PRDM16: variants seen among roughly 807,000 people sequenced by gnomAD.
The protein encoded by PRDM16 is histone-lysine N-methyltransferase PRDM16.
PRDM16 carries 23 observed loss-of-function variants against 110.6 expected under a neutral mutation model. That is an observed-to-expected ratio of 0.21 (90% CI 0.15 to 0.29). The LOEUF (loss-of-function observed/expected upper bound fraction) is 0.29, where lower values mean the gene tolerates loss of function less well. Ranked by LOEUF, PRDM16 falls within the 10% of genes least tolerant of loss-of-function variation. The pLI, the probability that PRDM16 is intolerant of heterozygous loss-of-function variation, is 1.00. For missense variants in PRDM16, 1,615 were observed against 1,794.3 expected (o/e 0.90, Z 1.81); for synonymous variants, 799 against 781.8 (o/e 1.02, Z -0.37).
chr1:3,297,315 G>A (rs571179018), intron 3 of PRDM16, among the ~76,000 whole-genome samples: 7 of 133,490 alleles, frequency 5.2e-5, no homozygotes, highest in East Asian at 2.1e-4. Context: ...ACAGAATCTC[G>A]CTCTGTCACC....
chr1:3,426,013 G>A, intron 13 of PRDM16, 38 bp from the exon 14 acceptor site: 1 of 1,588,802 alleles, frequency 6.3e-7, no homozygotes, highest in Admixed American at 1.7e-5. Flanking sequence ...GAGGGGTCCA[G>A]CGAGAGGCCG....
At chr1:3,164,707 G>A (rs935040062) in intron 1 of PRDM16, among the ~76,000 whole-genome samples, 2 of 152,194 alleles carry the variant, frequency 1.3e-5, no homozygotes, top group African/African-American at 4.8e-5. Flanking sequence ...ACCTGCGAGG[G>A]AAATGAGGTC....
intron 1 of PRDM16, among the ~76,000 whole-genome samples, chr1:3,180,999 C>T (rs1032335117): frequency 7.1e-6 from 1 of 141,316 alleles, no homozygotes; most frequent in Non-Finnish European, 1.6e-5. Flanking sequence ...TACACACGAT[C>T]TTACACGCGG....
chr1:3,092,681 C>T (rs993943156), intron 1 of PRDM16, among the ~76,000 whole-genome samples: 15 of 152,178 alleles, frequency 9.9e-5, no homozygotes, highest in Admixed American at 9.2e-4. Flanking sequence ...CGCCTGGGTG[C>T]GGGGAGCCTC....
At chr1:3,113,387 C>G (rs1642839383) in intron 1 of PRDM16, among the ~76,000 whole-genome samples, 1 of 151,666 alleles carries the variant, frequency 6.6e-6, no homozygotes, top group South Asian at 2.1e-4. Context: ...CCGAGTGTGA[C>G]TCAGTCCTCA....
chr1:3,330,911 C>T (rs1043930802), intron 3 of PRDM16, among the ~76,000 whole-genome samples: 1 of 152,242 alleles, frequency 6.6e-6, no homozygotes, highest in Non-Finnish European at 1.5e-5. Context: ...GGGCAGAAAT[C>T]GGAGCCACCT....
rs561050042 is a variant in PRDM16 at position 3,434,401 on chromosome 1, TCTGC to T, written c.*594_*597del. The T allele has an allele frequency of 1.2e-4, 29 of 232,592 alleles. No individual in the cohort carries two copies. Among genetic ancestry groups the T allele is most frequent in the African/African-American group, 6.0e-4 (27 of 45,354 alleles). The allele number at this position is 232,592 out of a possible 1,614,324, so 14.4% of individuals were successfully genotyped here. A position where few individuals can be genotyped will look rare whatever the true frequency, so the allele number is the denominator to read the frequency against. Reference sequence around the variant, plus strand: ...ATTTGAGCTCATTTGCAAACCCGAGTCTGCCTGGGAACCCGCACTGTGCCTGGGT... The same window carrying T: ...ATTTGAGCTCATTTGCAAACCCGAGTCTGGGAACCCGCACTGTGCCTGGGT... On this transcript the variant is annotated 3_prime_UTR_variant, in exon 17 of 17. Coordinates refer to ENST00000270722, the MANE Select transcript of PRDM16 (RefSeq NM_022114.4).
At chr1:3,171,472 C>T (rs1257032069) in intron 1 of PRDM16, among the ~76,000 whole-genome samples, 2 of 152,214 alleles carry the variant, frequency 1.3e-5, no homozygotes, top group Non-Finnish European at 2.9e-5. Flanking sequence ...CCTCCAAACC[C>T]TCAGTGCCGC....
chr1:3,426,808 T>TCGTGCCTGGGGACAGGGCAGGA (rs1638621259), intron 14 of PRDM16, among the ~76,000 whole-genome samples: 1 of 152,132 alleles, frequency 6.6e-6, no homozygotes, highest in African/African-American at 2.4e-5. Flanking sequence ...GTTTAGGGGA[T>TCGTGCCTGGGGACAGGGCAGGA]CGTGCCTGGG....
chr1:3,433,898 C>A lies in PRDM16; in HGVS notation c.*87C>A. ...GGGCGGGGCCCCGGAGAACCCTGTC[C>A]CTGCGTGTGGCCACTCCTCAGCATC... On this transcript the variant is annotated 3_prime_UTR_variant, in exon 17 of 17. Transcript: ENST00000270722. 7.2e-7 allele frequency: 1 copy of A among 1,397,082 alleles called. No homozygotes were observed. The highest frequency in any genetic ancestry group is 9.8e-7 in the Non-Finnish European group (1 of 1,020,964). The allele number at this position is 1,397,082 out of a possible 1,614,324, so 86.5% of individuals were successfully genotyped here.
intron 3 of PRDM16, among the ~76,000 whole-genome samples, chr1:3,354,260 G>C (rs948970939): frequency 3.9e-5 from 6 of 152,068 alleles, no homozygotes; most frequent in Non-Finnish European, 8.8e-5. Context: ...AGGAGTTTGA[G>C]ACCAGCCTGG....
intron 3 of PRDM16, among the ~76,000 whole-genome samples, chr1:3,251,603 G>A (rs1295973128): frequency 6.6e-6 from 1 of 152,008 alleles, no homozygotes; most frequent in Non-Finnish European, 1.5e-5. Context: ...CTCCACAACC[G>A]AACCGACGCC....
At chr1:3,114,625 A>AAC (rs142682550) in intron 1 of PRDM16, among the ~76,000 whole-genome samples, 41,395 of 151,860 alleles carry the variant, frequency 0.27, 6,087 homozygotes, top group East Asian at 0.37. Flanking sequence ...TACACACATG[A>AAC]ACACACACAT....
chr1:3,187,429 C>T (rs140774417), intron 2 of PRDM16, among the ~76,000 whole-genome samples: 55 of 152,274 alleles, frequency 3.6e-4, no homozygotes, highest in African/African-American at 8.4e-4. Context: ...GATCCCCAGA[C>T]GGGTGGGGGC....
At chr1:3,327,125 CTT>C (rs1641930584) in intron 3 of PRDM16, among the ~76,000 whole-genome samples, 1 of 152,238 alleles carries the variant, frequency 6.6e-6, no homozygotes. Flanking sequence ...AGTGGAAACA[CTT>C]TTTGTGTCTG....
At chr1:3,191,360 A>G (rs1423632782) in intron 2 of PRDM16, among the ~76,000 whole-genome samples, 1 of 152,266 alleles carries the variant, frequency 6.6e-6, no homozygotes, top group East Asian at 1.9e-4. Flanking sequence ...GCCTTGGGCC[A>G]CACCAATTCT....
At chr1:3,333,638 C>T (rs1642087045) in intron 3 of PRDM16, among the ~76,000 whole-genome samples, 1 of 141,360 alleles carries the variant, frequency 7.1e-6, no homozygotes. Flanking sequence ...CGGCTAAGGT[C>T]ACAGATGTGG....
intron 1 of PRDM16, among the ~76,000 whole-genome samples, chr1:3,082,844 T>C (rs1210747913): frequency 6.6e-6 from 1 of 152,178 alleles, no homozygotes; most frequent in Non-Finnish European, 1.5e-5. Context: ...GGCCGGCGCC[T>C]GGGTGCTGCG....
chr1:3,277,462 A>G (rs1367712472), intron 3 of PRDM16, among the ~76,000 whole-genome samples: 1 of 152,158 alleles, frequency 6.6e-6, no homozygotes, highest in Non-Finnish European at 1.5e-5. Context: ...GCCTCTCCTC[A>G]CCACAGGGTC....
Sources: gnomAD v4.1 joint callset for allele counts (sites outside exome capture counted in the v4.1 genomes callset) on GRCh38, gnomAD v4.1.1 for gene constraint, MANE v1.5 for transcripts, NCBI Gene and HGNC (gene_info 2026-07-23, HGNC 2026-07-21) for gene names.